Variants in NEGR1 observed in about 807,000 individuals in gnomAD.
The protein encoded by NEGR1 is neuronal growth regulator 1, also known as IgLON family member 4.
A neutral mutation model predicts 40.9 loss-of-function variants in NEGR1; 10 were observed. The ratio of observed to expected loss-of-function variants is 0.24; its 90% confidence interval spans 0.15 to 0.42. The LOEUF (loss-of-function observed/expected upper bound fraction) is 0.42, where lower values mean the gene tolerates loss of function less well. NEGR1 is among the 10% of genes least tolerant of loss of function. The probability of loss-of-function intolerance (pLI) is 1.00; values close to 1 mark genes in which losing one functional copy is unlikely to be tolerated. For missense variants in NEGR1, 352 were observed against 438.9 expected (o/e 0.80, Z 1.77); for synonymous variants, 185 against 166.8 (o/e 1.11, Z -0.84).
chr1:71,962,766 C>T (rs1646176033), intron 1 of NEGR1, among the ~76,000 whole-genome samples: 1 of 134,532 alleles, frequency 7.4e-6, no homozygotes, highest in African/African-American at 3.2e-5. Flanking sequence ...TCTAAATTCT[C>T]CAAGTTTTTT....
At chr1:71,623,428 G>C (rs1324119444) in intron 4 of NEGR1, among the ~76,000 whole-genome samples, 2 of 151,908 alleles carry the variant, frequency 1.3e-5, no homozygotes, top group Non-Finnish European at 2.9e-5. Context: ...ATGGTTCAAA[G>C]ACTAAGGCAA....
chr1:71,612,129 G>A (rs1358366662), intron 4 of NEGR1, among the ~76,000 whole-genome samples: 1 of 152,210 alleles, frequency 6.6e-6, no homozygotes, highest in Non-Finnish European at 1.5e-5. Flanking sequence ...GGCTGAGGCA[G>A]GAGAATGGCG....
intron 1 of NEGR1, among the ~76,000 whole-genome samples, chr1:72,088,712 C>G (rs1161564006): frequency 6.6e-6 from 1 of 151,680 alleles, no homozygotes; most frequent in Admixed American, 6.6e-5. Context: ...GACACTGACC[C>G]TAAGGAGATT....
intron 6 of NEGR1, among the ~76,000 whole-genome samples, chr1:71,562,074 C>T (rs545035400): frequency 4.5e-4 from 68 of 151,636 alleles, no homozygotes; most frequent in African/African-American, 1.5e-3. Context: ...CTAATAATGA[C>T]TTATTAAAGT....
chr1:72,036,408 C>A (rs1385335995), intron 1 of NEGR1, among the ~76,000 whole-genome samples: 1 of 152,060 alleles, frequency 6.6e-6, no homozygotes, highest in African/African-American at 2.4e-5. Flanking sequence ...ATAATCCCAG[C>A]ACTTTGGGAG....
intron 6 of NEGR1, among the ~76,000 whole-genome samples, chr1:71,574,584 G>T (rs1648903694): frequency 6.6e-6 from 1 of 152,094 alleles, no homozygotes; most frequent in Non-Finnish European, 1.5e-5. Context: ...AGAGGAGAGA[G>T]AAATGAAGTA....
chr1:72,203,506 G>C (rs1653287754), intron 1 of NEGR1, among the ~76,000 whole-genome samples: 1 of 152,080 alleles, frequency 6.6e-6, no homozygotes, highest in East Asian at 1.9e-4. Flanking sequence ...AAAGATAGTG[G>C]TTTCTTGAGA....
At chr1:71,736,206 T>C (rs1379996978) in intron 3 of NEGR1, among the ~76,000 whole-genome samples, 1 of 152,168 alleles carries the variant, frequency 6.6e-6, no homozygotes, top group African/African-American at 2.4e-5. Flanking sequence ...TTATTGATTA[T>C]TGTCTATTAG....
intron 6 of NEGR1, among the ~76,000 whole-genome samples, chr1:71,574,455 A>T (rs1312819143): frequency 3.3e-5 from 5 of 152,148 alleles, no homozygotes; most frequent in African/African-American, 1.2e-4. Context: ...GCAAAAAATA[A>T]AGTATTAGGA....
At chr1:71,540,583 C>G (rs1236455743) in intron 6 of NEGR1, among the ~76,000 whole-genome samples, 3 of 151,658 alleles carry the variant, frequency 2.0e-5, no homozygotes, top group Non-Finnish European at 4.4e-5. Flanking sequence ...AGACCCTATG[C>G]TTTGAGACAC....
At chr1:71,842,183 G>A (rs934250536) in intron 2 of NEGR1, among the ~76,000 whole-genome samples, 4 of 152,016 alleles carry the variant, frequency 2.6e-5, no homozygotes, top group Non-Finnish European at 5.9e-5. Context: ...GCTGCTTGAC[G>A]ATCTGGCTTT....
chr1:71,626,972 C>T (rs957948457), intron 4 of NEGR1, among the ~76,000 whole-genome samples: 11 of 152,032 alleles, frequency 7.2e-5, no homozygotes, highest in Non-Finnish European at 1.3e-4. Context: ...GTTAGAATGG[C>T]GATCATTCAA....
chr1:72,142,322 A>T (rs1441777763), intron 1 of NEGR1, among the ~76,000 whole-genome samples: 2 of 152,024 alleles, frequency 1.3e-5, no homozygotes, highest in Admixed American at 1.3e-4. Context: ...ACATGGACAT[A>T]AAAAATGTGA....
intron 1 of NEGR1, among the ~76,000 whole-genome samples, chr1:72,174,739 A>T (rs1021195381): frequency 6.6e-6 from 1 of 151,940 alleles, no homozygotes; most frequent in Non-Finnish European, 1.5e-5. Context: ...AAGAGCAGGA[A>T]GTTATTTCTT....
chr1:71,419,133 T>C (rs1353813175), intron 6 of NEGR1, among the ~76,000 whole-genome samples: 1 of 152,142 alleles, frequency 6.6e-6, no homozygotes, highest in African/African-American at 2.4e-5. Context: ...TGGACTGGCT[T>C]TCCCTTCTTC....
chr1:71,813,946 T>C (rs978134285), intron 2 of NEGR1, among the ~76,000 whole-genome samples: 2 of 152,126 alleles, frequency 1.3e-5, no homozygotes, highest in African/African-American at 4.8e-5. Context: ...CTGATTGCCC[T>C]TGCCAGAACT....
At position 72,060,383 on chromosome 1, in the gene NEGR1, AT is replaced by A. The variant is rs373713761; in HGVS notation, c.177-125073del. Among the ~76,000 whole-genome samples the A allele has an allele frequency of 1.7e-4, 26 of 151,820 alleles. No individual in the cohort carries two copies. In the South Asian group the frequency reaches 2.9e-3, roughly 17 times the overall value. On this transcript the variant is annotated intron_variant, in intron 1 of 6. Coordinates refer to ENST00000357731, the MANE Select transcript of NEGR1 (RefSeq NM_173808.3). Reference sequence around the variant, plus strand: ...GTTTTCAGAATTAAAGATGGTAAAAATTGATGAACCTTAGCTGTATTTCCCC... The same window carrying A: ...GTTTTCAGAATTAAAGATGGTAAAAATGATGAACCTTAGCTGTATTTCCCC...
At chr1:72,238,719 G>A (rs1412087384) in intron 1 of NEGR1, among the ~76,000 whole-genome samples, 2 of 151,748 alleles carry the variant, frequency 1.3e-5, no homozygotes, top group Non-Finnish European at 2.9e-5. Context: ...TATTTCAACT[G>A]GAATAATCAC....
At chr1:72,044,060 C>T (rs555039601) in intron 1 of NEGR1, among the ~76,000 whole-genome samples, 2 of 151,664 alleles carry the variant, frequency 1.3e-5, no homozygotes, top group Admixed American at 6.6e-5. Context: ...TGTAAAGACC[C>T]CCCCATACCA....
Sources: gnomAD v4.1 joint callset for allele counts (sites outside exome capture counted in the v4.1 genomes callset) on GRCh38, gnomAD v4.1.1 for gene constraint, MANE v1.5 for transcripts, NCBI Gene and HGNC (gene_info 2026-07-23, HGNC 2026-07-21) for gene names.